Variants in SHOC1 observed in about 807,000 individuals in gnomAD.
SHOC1 encodes the protein protein shortage in chiasmata 1 ortholog.
Under a neutral mutation model 179.2 loss-of-function variants are expected in SHOC1, and 136 were observed. That is an observed-to-expected ratio of 0.76 (90% CI 0.66 to 0.87). SHOC1 has a LOEUF of 0.87. Among genes scored for constraint, SHOC1 ranks in the 40% least tolerant of loss-of-function variants. SHOC1 has a pLI of 0.00. For missense variants in SHOC1, 1,538 were observed against 1,700.8 expected (o/e 0.90, Z 1.68); for synonymous variants, 489 against 586.6 (o/e 0.83, Z 2.41).
In SHOC1 at chr9:111,786,627, G is replaced by A. The variant is rs1402614555; in HGVS notation, c.46-592C>T. On this transcript the variant is annotated intron_variant, in intron 2 of 27. Transcript: ENST00000682961. Reference sequence around the variant, plus strand: ...CTTCCTGTGTCACATTTTGGTAACTGTCCCAACATTTGAAACTTTTCCGTT... The same window carrying A: ...CTTCCTGTGTCACATTTTGGTAACTATCCCAACATTTGAAACTTTTCCGTT... Among the ~76,000 whole-genome samples the A allele has an allele frequency of 2.0e-5, 3 of 147,658 alleles. No individual in the cohort carries two copies. The South Asian group carries it at 6.4e-4, about 31-fold the overall frequency.
intron 12 of SHOC1, among the ~76,000 whole-genome samples, chr9:111,729,118 C>CT (rs1336883173): frequency 2.0e-5 from 3 of 147,902 alleles, no homozygotes; most frequent in Non-Finnish European, 3.0e-5. Flanking sequence ...GTTCTTTTTT[C>CT]TTTTTTTTTC....
At chr9:111,755,646 G>A (rs1834819184) in intron 8 of SHOC1, among the ~76,000 whole-genome samples, 1 of 152,086 alleles carries the variant, frequency 6.6e-6, no homozygotes, top group South Asian at 2.1e-4. Flanking sequence ...TCCATACTCT[G>A]AGCTCTTTAT....
At chr9:111,758,288 G>A (rs1834962905) in intron 6 of SHOC1, 93 bp from the exon 7 acceptor site, 2 of 699,822 alleles carry the variant, frequency 2.9e-6, no homozygotes, top group Non-Finnish European at 4.6e-6. Context: ...AATTAAAGTT[G>A]AGGTAAAACG....
At chr9:111,740,754 T>TATA (rs368079569) in intron 11 of SHOC1, among the ~76,000 whole-genome samples, 35 of 152,166 alleles carry the variant, frequency 2.3e-4, no homozygotes, top group African/African-American at 8.4e-4. Flanking sequence ...GTATTTTTAG[T>TATA]AGAGAGGGGG....
rs556566367 is a variant in SHOC1 at position 111,741,820 on chromosome 9, C to T, written c.1080-250G>A. Reference sequence around the variant, plus strand: ...CTAATTTTTGTATTTTTAGTAGAGGCGGGGTTTCACCATGTGGGCCAGGCT... The same window carrying T: ...CTAATTTTTGTATTTTTAGTAGAGGTGGGGTTTCACCATGTGGGCCAGGCT... On this transcript the variant is annotated intron_variant, in intron 10 of 27. Coordinates refer to ENST00000682961, the MANE Select transcript of SHOC1 (RefSeq NM_001378211.1). Among the ~76,000 whole-genome samples the T allele has an allele frequency of 2.2e-4, 33 of 151,924 alleles. 1 individual carries two copies. Among genetic ancestry groups the T allele is most frequent in the African/African-American group, 7.5e-4 (31 of 41,464 alleles).
intron 4 of SHOC1, among the ~76,000 whole-genome samples, chr9:111,779,441 ACCAAACTAGCCT>A (rs1384041261): frequency 5.3e-5 from 8 of 152,160 alleles, no homozygotes; most frequent in Non-Finnish European, 1.2e-4. Flanking sequence ...TTTAGTTTTC[ACCAAACTAGCCT>A]AATTATTGCC....
At chr9:111,696,299 G>A (rs569964343) in intron 24 of SHOC1, among the ~76,000 whole-genome samples, 2 of 152,250 alleles carry the variant, frequency 1.3e-5, no homozygotes, top group South Asian at 4.1e-4. Context: ...AAAATAAAAA[G>A]GTGCTAATGG....
intron 14 of SHOC1, 91 bp from the exon 15 acceptor site, chr9:111,722,676 G>A (rs991740451): frequency 2.8e-5 from 28 of 996,516 alleles, no homozygotes; most frequent in African/African-American, 1.5e-4. Context: ...GTGGAGATCC[G>A]AACTTCTATC....
In SHOC1 at chr9:111,759,469, A is replaced by G. The variant is rs545522685; in HGVS notation, c.443-621T>C. 20 of 1,262,678 alleles carry G rather than the reference A, an allele frequency of 1.6e-5. No homozygotes were observed. In the South Asian group the frequency reaches 5.1e-4, roughly 32 times the overall value. 78.2% of individuals were successfully genotyped at this position (1,262,678 alleles called of 1,614,324 possible). A position where few individuals can be genotyped will look rare whatever the true frequency, so the allele number is the denominator to read the frequency against. ...ACTGCTAACAGTTAATTTCTGGAAT[A>G]AATTTCTCCTCTCGGTCTCCACCCT... On this transcript the variant is annotated intron_variant, in intron 5 of 27. Coordinates refer to ENST00000682961, the MANE Select transcript of SHOC1 (RefSeq NM_001378211.1).
At chr9:111,747,781 C>T (rs560659654) in intron 9 of SHOC1, among the ~76,000 whole-genome samples, 11 of 152,160 alleles carry the variant, frequency 7.2e-5, no homozygotes, top group African/African-American at 2.4e-4. Flanking sequence ...GATGGTGTTT[C>T]GTCATATTGA....
intron 5 of SHOC1, among the ~76,000 whole-genome samples, chr9:111,762,230 G>T (rs1423076279): frequency 6.6e-6 from 1 of 152,092 alleles, no homozygotes; most frequent in Non-Finnish European, 1.5e-5. Flanking sequence ...AGAAGTTTGA[G>T]ACCAGCCTGG....
In SHOC1 at chr9:111,741,524, A is replaced by G. The variant is rs1834039274; in HGVS notation, c.1126T>C (p.Trp376Arg). ...GGGCTTCTACATCTTTCTAATTGCC[A>G]CATCATGTAGTATTCATTAGCTGAT... ...EESANEYYMM[W>R]QLERCRSPLN... Residue 376 changes from tryptophan to arginine, a missense_variant, in exon 11 of 28, where the codon TGG (tryptophan) becomes CGG (arginine). By Grantham distance (101) the Trp-to-Arg change is moderately radical (BLOSUM62 -3). Transcript: ENST00000682961. 2 of 1,612,702 alleles carry G rather than the reference A, an allele frequency of 1.2e-6. No homozygotes were observed. The highest frequency in any genetic ancestry group is 1.7e-6 in the Non-Finnish European group (2 of 1,179,318).
At chr9:111,712,851 G>T (rs967460035) in intron 18 of SHOC1, among the ~76,000 whole-genome samples, 1 of 152,070 alleles carries the variant, frequency 6.6e-6, no homozygotes, top group Non-Finnish European at 1.5e-5. Flanking sequence ...GCAACTAGTA[G>T]GCAATCAATA....
Position 111,691,727 on chromosome 9 carries a change from G to A in SHOC1, c.4250C>T (p.Thr1417Ile). The change falls in exon 27 of 28, where the codon ACT (threonine) becomes ATT (isoleucine). Residue 1417 changes from threonine (T) to isoleucine (I), a missense_variant. Physicochemically the swap from Thr to Ile is moderately conservative, Grantham distance 89. Transcript: ENST00000682961. ...GACAGATGGTAATTCTCTCCAGAAA[G>A]TCTCATCTTTTGAACTTTCACATGT... ...GLTCESSKDE[T>I]FWRELPSVPS... 6.2e-7 allele frequency: 1 copy of A among 1,613,964 alleles called. No homozygotes were observed. The highest frequency in any genetic ancestry group is 8.5e-7 in the Non-Finnish European group (1 of 1,179,926).
rs12343996 is a variant in SHOC1, at chr9:111,705,195, A to C, written c.2855+52T>G. ...TACACACACACACACACACACACACACATATATATATAATGTACACTTTTG... is the reference window on the plus strand; with the variant it reads ...TACACACACACACACACACACACACCCATATATATATAATGTACACTTTTG... On this transcript the variant is annotated intron_variant, in intron 21 of 27. Transcript: ENST00000682961. 0.023 allele frequency: 17,280 copies of C among 763,294 alleles called. 818 individuals carry two copies. Among genetic ancestry groups the C allele is most frequent in the African/African-American group, 0.15 (8,198 of 54,154 alleles). 47.3% of individuals were successfully genotyped at this position (763,294 alleles called of 1,614,324 possible).
In SHOC1 at chr9:111,727,813, G is replaced by A; in HGVS notation, c.1654C>T (p.Leu552Phe). ...TTAATAGATGGTCCTGTGCAGTCAA[G>A]TTCAAAGTGATCGTTATTTTCTTTC... The part of the protein sequence containing the change: ...QKKENNDHFE[L>F]DCTGPSIKSP... The change falls in exon 13 of 28, where the codon CTT becomes TTT. Residue 552 changes from leucine (L) to phenylalanine (F), a missense_variant. Transcript: ENST00000682961. The A allele has an allele frequency of 6.2e-7, 1 of 1,612,034 alleles. No homozygotes were observed. The highest frequency in any genetic ancestry group is 1.1e-5 in the South Asian group (1 of 90,490).
chr9:111,709,848 G>T (rs1256968223), intron 18 of SHOC1, among the ~76,000 whole-genome samples: 1 of 152,114 alleles, frequency 6.6e-6, no homozygotes, highest in East Asian at 1.9e-4. Context: ...CACATTGCAT[G>T]CCTGTATCAA....
In SHOC1 at chr9:111,746,206, A is replaced by G. The variant is rs193153842; in HGVS notation, c.1079+28T>C. The G allele has an allele frequency of 2.7e-3, 3,744 of 1,412,036 alleles. 83 individuals are homozygous for G. In the Admixed American group the frequency reaches 0.046, roughly 17 times the overall value. 87.5% of individuals were successfully genotyped at this position (1,412,036 alleles called of 1,614,324 possible). On this transcript the variant is annotated intron_variant, in intron 10 of 27. Transcript: ENST00000682961. ...AAGACTGCTTGTTCTGAATTGCAAC[A>G]TGGGTTCTAGATATAATCTTTACTT... is the stretch of plus-strand genomic sequence containing the variant.
intron 17 of SHOC1, among the ~76,000 whole-genome samples, chr9:111,713,544 G>A (rs1832646770): frequency 6.6e-6 from 1 of 152,100 alleles, no homozygotes; most frequent in Non-Finnish European, 1.5e-5. Context: ...GTTTTGTGGG[G>A]GAGAGGTGGG....
Sources: allele counts gnomAD v4.1 joint callset (sites outside exome capture counted in the v4.1 genomes callset), GRCh38; gene constraint gnomAD v4.1.1; transcripts MANE v1.5; gene names NCBI Gene and HGNC (gene_info 2026-07-23, HGNC 2026-07-21).